The following ZFHX2 variants were observed in gnomAD, a reference collection of about 807,000 sequenced individuals.
ZFHX2 encodes the protein zinc finger homeobox protein 2.
Under a neutral mutation model 164.8 loss-of-function variants are expected in ZFHX2, and 75 were observed. That is an observed-to-expected ratio of 0.46 (90% CI 0.38 to 0.55). The LOEUF (loss-of-function observed/expected upper bound fraction) is 0.55, where lower values mean the gene tolerates loss of function less well. Among genes scored for constraint, ZFHX2 ranks in the 20% least tolerant of loss-of-function variants. The probability of loss-of-function intolerance (pLI) is 0.00; values close to 1 mark genes in which losing one functional copy is unlikely to be tolerated. For synonymous variants in ZFHX2, 1,217 were observed against 1,351.4 expected (o/e 0.90, Z 2.18); for missense variants, 2,933 against 3,308.0 (o/e 0.89, Z 2.78).
At chr14:23,541,487 A>G (rs1243803510) in intron 1 of ZFHX2, among the ~76,000 whole-genome samples, 3 of 151,690 alleles carry the variant, frequency 2.0e-5, no homozygotes, top group South Asian at 2.1e-4. Context: ...GAGCTTCTCC[A>G]TGTTGGTCAG....
In ZFHX2 at chr14:23,523,162, A is replaced by T; in HGVS notation, c.6739+41T>A. 7.1e-7 allele frequency: 1 copy of T among 1,408,160 alleles called. No individual in the cohort carries two copies. Among genetic ancestry groups the T allele is most frequent in the South Asian group, 1.7e-5 (1 of 59,634 alleles). The allele number at this position is 1,408,160 out of a possible 1,614,324, so 87.2% of individuals were successfully genotyped here. A position where few individuals can be genotyped will look rare whatever the true frequency, so the allele number is the denominator to read the frequency against. ...AGGAAGGGCATGTCATTAGAGGGGG[A>T]TGTTCTCTGAAGTCCAGCTCCTCCC... On this transcript the variant is annotated intron_variant, in intron 9 of 9. Coordinates refer to ENST00000419474, the MANE Select transcript of ZFHX2 (RefSeq NM_033400.3). The surrounding 1 kb of genome is among the most constrained non-coding windows in gnomAD (Gnocchi z 4.1).
At chr14:23,552,151 T>C (rs981643333), upstream of ZFHX2, among the ~76,000 whole-genome samples, 2 of 152,094 alleles carry the variant, frequency 1.3e-5, no homozygotes, top group African/African-American at 4.8e-5. Context: ...TACTAGAACC[T>C]TCTCTACCGC....
Position 23,531,712 on chromosome 14 carries a change from C to T in ZFHX2, c.2569G>A (p.Asp857Asn). 3 of 1,360,158 alleles carry T rather than the reference C, an allele frequency of 2.2e-6. No individual in the cohort carries two copies. The highest frequency in any genetic ancestry group is 2.9e-6 in the Non-Finnish European group (3 of 1,051,766). The allele number at this position is 1,360,158 out of a possible 1,614,324, so 84.3% of individuals were successfully genotyped here. A position where few individuals can be genotyped will look rare whatever the true frequency, so the allele number is the denominator to read the frequency against. Residue 857 changes from aspartate to asparagine, a missense_variant, in exon 4 of 10, where the codon GAC (aspartate) becomes AAC (asparagine). Transcript: ENST00000419474. ...GCCCCTGCCTCCGCTCCCTCCATGTCCAGCAGAAACTAGAACCATGGGAAG... is the reference window on the plus strand; with the variant it reads ...GCCCCTGCCTCCGCTCCCTCCATGTTCAGCAGAAACTAGAACCATGGGAAG... Reference protein sequence around the residue: ...ENSQIYKFLLDMEGAEAGAEL... With the variant: ...ENSQIYKFLLNMEGAEAGAEL...
At position 23,524,268 on chromosome 14, in the gene ZFHX2, C is replaced by T. The variant is rs939200680; in HGVS notation, c.5674G>A (p.Glu1892Lys). Residue 1892 changes from glutamate to lysine, a missense_variant, in exon 9 of 10, where the codon GAG becomes AAG. Coordinates refer to ENST00000419474, the MANE Select transcript of ZFHX2 (RefSeq NM_033400.3). This position sits in a 1 kb window ranked among gnomAD's most constrained non-coding sequence, Gnocchi z 5.6. ...PTRKMLDCIS[E>K]EVGLKKRVVQ... Reference sequence around the variant, plus strand: ...ACTCGCTTTTTGAGCCCCACCTCCTCGGAGATGCAGTCGAGCATCTTGCGT... The same window carrying T: ...ACTCGCTTTTTGAGCCCCACCTCCTTGGAGATGCAGTCGAGCATCTTGCGT... 24 of 1,536,230 alleles carry T rather than the reference C, an allele frequency of 1.6e-5. No individual in the cohort carries two copies. Among genetic ancestry groups the T allele is most frequent in the African/African-American group, 2.7e-5 (2 of 73,038 alleles).
chr14:23,542,902 A>AT (rs1459343035), intron 1 of ZFHX2: 1 of 151,984 alleles, frequency 6.6e-6, no homozygotes, highest in Non-Finnish European at 1.5e-5. Context: ...CAAGCAGCTA[A>AT]TTTTTTGTAT....
chr14:23,532,541 G>A lies in ZFHX2; in HGVS notation c.2559+26C>T, dbSNP rs1019553579. ...TGTCCCCATTCCCTTCTCCTCTTCC[G>A]ATGGCCCTTCCTGACCCAGCCTCAC... is the stretch of plus-strand genomic sequence containing the variant. On this transcript the variant is annotated intron_variant, in intron 3 of 9. Transcript: ENST00000419474. 19 of 1,425,510 alleles carry A rather than the reference G, an allele frequency of 1.3e-5. No homozygotes were observed. In the South Asian group the frequency reaches 2.1e-4, roughly 16 times the overall value. The allele number at this position is 1,425,510 out of a possible 1,614,324, so 88.3% of individuals were successfully genotyped here.
rs1335096676 is a variant in ZFHX2, at chr14:23,520,957, T to C, written c.*1005A>G. 1.3e-5 allele frequency: 2 copies of C among 151,848 alleles called. No individual in the cohort carries two copies. Among genetic ancestry groups the C allele is most frequent in the Admixed American group, 6.6e-5 (1 of 15,264 alleles). 9.4% of individuals were successfully genotyped at this position (151,848 alleles called of 1,614,324 possible). ...TGTCCGTTTCTCTCTTTTGTGCGCG[T>C]GTGCACGTACTCTCTCTCGCTCTTG... On this transcript the variant is annotated 3_prime_UTR_variant, in exon 10 of 10. Coordinates refer to ENST00000419474, the MANE Select transcript of ZFHX2 (RefSeq NM_033400.3). The surrounding 1 kb of genome is among the most constrained non-coding windows in gnomAD (Gnocchi z 8.7).
chr14:23,550,096 C>T (rs1566597147), intron 1 of ZFHX2, among the ~76,000 whole-genome samples: 2 of 152,078 alleles, frequency 1.3e-5, no homozygotes, highest in South Asian at 2.1e-4. Context: ...TTTTGTTGTG[C>T]GAAGCTCCTG....
chr14:23,547,729 G>T (rs1881537307), intron 1 of ZFHX2, among the ~76,000 whole-genome samples: 1 of 152,104 alleles, frequency 6.6e-6, no homozygotes, highest in African/African-American at 2.4e-5. Flanking sequence ...CTTAGGTGGG[G>T]GGAGTGGGTG....
chr14:23,528,695 C>G (rs894564049), intron 6 of ZFHX2: 1 of 985,296 alleles, frequency 1.0e-6, no homozygotes, highest in Non-Finnish European at 1.2e-6. Context: ...TTCCATCTTT[C>G]TTTTTCCTTC....
chr14:23,533,210 T>C lies in ZFHX2; in HGVS notation c.2041+75A>G. 7.0e-7 allele frequency: 1 copy of C among 1,435,748 alleles called. No individual in the cohort carries two copies. The highest frequency in any genetic ancestry group is 9.1e-7 in the Non-Finnish European group (1 of 1,099,308). The allele number at this position is 1,435,748 out of a possible 1,614,324, so 88.9% of individuals were successfully genotyped here. ...ACTTATGGTTACCTAAGTGGGGAGT[T>C]GGTCCTTGGGAGAAAGCACGGAATA... On this transcript the variant is annotated intron_variant, in intron 2 of 9. Coordinates refer to ENST00000419474, the MANE Select transcript of ZFHX2 (RefSeq NM_033400.3). This position sits in a 1 kb window ranked among gnomAD's most constrained non-coding sequence, Gnocchi z 4.8.
rs1463274995 is a variant in ZFHX2 at position 23,551,082 on chromosome 14, C to T, written c.-50+261G>A. On this transcript the variant is annotated intron_variant, in intron 1 of 9. Transcript: ENST00000419474. The surrounding 1 kb of genome is among the most constrained non-coding windows in gnomAD (Gnocchi z 5.3). ...CCGTTCCCGTTTCTCCCTCCACCCCCGCATCTCTCTTCCCCCATCCTCGCG... is the reference window on the plus strand; with the variant it reads ...CCGTTCCCGTTTCTCCCTCCACCCCTGCATCTCTCTTCCCCCATCCTCGCG... 1.3e-5 allele frequency among the ~76,000 whole-genome samples: 2 copies of T among 152,020 alleles called. No homozygotes were observed. Among genetic ancestry groups the T allele is most frequent in the African/African-American group, 2.4e-5 (1 of 41,362 alleles).
chr14:23,534,427 G>C lies in ZFHX2; in HGVS notation c.899C>G (p.Pro300Arg). Residue 300 changes from proline to arginine, a missense_variant, in exon 2 of 10, where the codon CCC becomes CGC. Pro to Arg is a moderately radical substitution (Grantham distance 103). Coordinates refer to ENST00000419474, the MANE Select transcript of ZFHX2 (RefSeq NM_033400.3). This position sits in a 1 kb window ranked among gnomAD's most constrained non-coding sequence, Gnocchi z 4.5. ...SFLEPKLPAR[P>R]SSDIPLDNSS... ...GTTGTCAAGGGGTATGTCAGAAGAGGGGCGAGCAGGGAGTTTTGGCTCCAG... is the reference window on the plus strand; with the variant it reads ...GTTGTCAAGGGGTATGTCAGAAGAGCGGCGAGCAGGGAGTTTTGGCTCCAG... 1 of 1,536,696 alleles carries C rather than the reference G, an allele frequency of 6.5e-7. No homozygotes were observed. The highest frequency in any genetic ancestry group is 8.7e-7 in the Non-Finnish European group (1 of 1,147,032).
chr14:23,533,454 G>T lies in ZFHX2; in HGVS notation c.1872C>A (p.Thr624=). 6.5e-7 allele frequency: 1 copy of T among 1,534,562 alleles called. No homozygotes were observed. The highest frequency in any genetic ancestry group is 8.7e-7 in the Non-Finnish European group (1 of 1,145,786). Residue 624 remains threonine (T), a synonymous_variant, in exon 2 of 10, where the codon ACC becomes ACA. Transcript: ENST00000419474. The surrounding 1 kb of genome is among the most constrained non-coding windows in gnomAD (Gnocchi z 4.8). The stretch of plus-strand genomic sequence containing the variant: ...GGAAGAGTTCAGGGGGGCTAGTGGG[G>T]GTAGCCCCTGGTGGGGGAGGAGGGC... ...GPGPPPPPGA[T]PTSPPELFQY...
chr14:23,523,410 C>A lies in ZFHX2; in HGVS notation c.6532G>T (p.Val2178Phe). 3 of 1,525,934 alleles carry A rather than the reference C, an allele frequency of 2.0e-6. No homozygotes were observed. Among genetic ancestry groups the A allele is most frequent in the Non-Finnish European group, 2.6e-6 (3 of 1,141,610 alleles). The allele number at this position is 1,525,934 out of a possible 1,614,324, so 94.5% of individuals were successfully genotyped here. ...CTTTCACTCTTCAGCTGGGCTCGAA[C>A]CGCCTCCTTGAGCTTGGCCAGGTGC... ...RQHLAKLKEA[V>F]RAQLKSESKC... Residue 2178 changes from valine (V) to phenylalanine (F), a missense_variant, in exon 9 of 10, where the codon GTT (valine) becomes TTT (phenylalanine). Transcript: ENST00000419474. The surrounding 1 kb of genome is among the most constrained non-coding windows in gnomAD (Gnocchi z 4.1).
chr14:23,547,963 C>T (rs767543265), intron 1 of ZFHX2, among the ~76,000 whole-genome samples: 1 of 152,136 alleles, frequency 6.6e-6, no homozygotes, highest in Non-Finnish European at 1.5e-5. Flanking sequence ...GTCCCATTTC[C>T]CCCCTTTCTG....
At chr14:23,528,405 G>A (rs1231639621) in intron 6 of ZFHX2, among the ~76,000 whole-genome samples, 1 of 152,148 alleles carries the variant, frequency 6.6e-6, no homozygotes, top group Non-Finnish European at 1.5e-5. Context: ...TTTTCTTGGT[G>A]TGTCTTTCCC....
chr14:23,523,932 G>T lies in ZFHX2; in HGVS notation c.6010C>A (p.Pro2004Thr), dbSNP rs752867391. 2.1e-5 allele frequency: 32 copies of T among 1,536,112 alleles called. No individual in the cohort carries two copies. The highest frequency in any genetic ancestry group is 3.3e-4 in the Middle Eastern group (2 of 6,012). Residue 2004 changes from proline to threonine, a missense_variant, in exon 9 of 10, where the codon CCC becomes ACC. Physicochemically the swap from Pro to Thr is conservative, Grantham distance 38. Coordinates refer to ENST00000419474, the MANE Select transcript of ZFHX2 (RefSeq NM_033400.3). This position sits in a 1 kb window ranked among gnomAD's most constrained non-coding sequence, Gnocchi z 4.1. ...TCCTCTGGGCCCTCTTCCTCACTGG[G>T]TGGAGGGGGAGGTAGGAGAGGTAGA... ...PPLPLLPPPPPSEEEGPEEPP... is the reference protein window; with the variant it reads ...PPLPLLPPPPTSEEEGPEEPP...
Position 23,525,251 on chromosome 14 carries a change from G to T in ZFHX2, c.4691C>A (p.Ala1564Asp). The change falls in exon 9 of 10, where the codon GCC (alanine) becomes GAC (aspartate). Residue 1564 changes from alanine to aspartate, a missense_variant. Ala to Asp is a moderately radical substitution (Grantham distance 126). Coordinates refer to ENST00000419474, the MANE Select transcript of ZFHX2 (RefSeq NM_033400.3). The surrounding 1 kb of genome is among the most constrained non-coding windows in gnomAD (Gnocchi z 5.9). ...CCCTGCTCGACTTCGCTCTTCAGGGGCACGGGTCCCCCCTGCCTCAGGCTC... is the reference window on the plus strand; with the variant it reads ...CCCTGCTCGACTTCGCTCTTCAGGGTCACGGGTCCCCCCTGCCTCAGGCTC... ...VPEPEAGGTR[A>D]PEERSRAGGH... 1.3e-6 allele frequency: 2 copies of T among 1,536,084 alleles called. No individual in the cohort carries two copies. Among genetic ancestry groups the T allele is most frequent in the Admixed American group, 2.0e-5 (1 of 50,986 alleles).
Sources: gnomAD v4.1 joint callset for allele counts (sites outside exome capture counted in the v4.1 genomes callset) on GRCh38, gnomAD v4.1.1 for gene constraint, Gnocchi (gnomAD v3.1) non-coding constraint, MANE v1.5 for transcripts, NCBI Gene and HGNC (gene_info 2026-07-23, HGNC 2026-07-21) for gene names.